QTMAN: variants seen among roughly 807,000 people sequenced by gnomAD.
QTMAN encodes the protein tRNA-queuosine alpha-mannosyltransferase.
chr2:143,981,984 G>GT, the QTMAN span, among the ~76,000 whole-genome samples: 1 of 152,050 alleles, frequency 6.6e-6, no homozygotes, highest in African/African-American at 2.4e-5. Context: ...TGTTACCCCA[G>GT]TTTTTTTGTG....
the QTMAN span, among the ~76,000 whole-genome samples, chr2:144,072,578 G>A: frequency 6.6e-6 from 1 of 152,180 alleles, no homozygotes; most frequent in Non-Finnish European, 1.5e-5. Flanking sequence ...GTCAGGCAGG[G>A]CAGCAAGAAG....
the QTMAN span, among the ~76,000 whole-genome samples, chr2:144,324,145 T>C: frequency 2.0e-5 from 3 of 152,198 alleles, no homozygotes; most frequent in East Asian, 1.9e-4. Context: ...AATCATCCAA[T>C]ACAAGTCTGT....
the QTMAN span, among the ~76,000 whole-genome samples, chr2:144,295,973 C>G: frequency 6.6e-6 from 1 of 152,046 alleles, no homozygotes; most frequent in South Asian, 2.1e-4. Flanking sequence ...ACACAATACA[C>G]AAAATAAATT....
the QTMAN span, among the ~76,000 whole-genome samples, chr2:144,013,125 ATAAAGT>A: frequency 4.6e-5 from 7 of 152,318 alleles, no homozygotes; most frequent in South Asian, 1.2e-3. Context: ...GCTAAGTTAA[ATAAAGT>A]TAAACATTTC....
chr2:144,093,090 T>C, the QTMAN span, among the ~76,000 whole-genome samples: 1 of 152,162 alleles, frequency 6.6e-6, no homozygotes, highest in South Asian at 2.1e-4. Flanking sequence ...CATTCAACAC[T>C]AGACAACATG....
the QTMAN span, among the ~76,000 whole-genome samples, chr2:143,950,118 A>C: frequency 6.6e-6 from 1 of 151,798 alleles, no homozygotes; most frequent in Non-Finnish European, 1.5e-5. Context: ...GAATTATATA[A>C]ATAAGCTCTT....
At chr2:144,004,862 C>T in the QTMAN span, among the ~76,000 whole-genome samples, 3 of 152,114 alleles carry the variant, frequency 2.0e-5, no homozygotes, top group South Asian at 6.2e-4. Flanking sequence ...TTGACTGCCT[C>T]GGAATTAGAA....
At chr2:144,061,317 T>C in the QTMAN span, among the ~76,000 whole-genome samples, 1 of 152,198 alleles carries the variant, frequency 6.6e-6, no homozygotes, top group Non-Finnish European at 1.5e-5. Flanking sequence ...TGACTGAACA[T>C]TCACTGTGGT....
At chr2:143,992,782 G>C in the QTMAN span, among the ~76,000 whole-genome samples, 7 of 152,092 alleles carry the variant, frequency 4.6e-5, no homozygotes, top group Non-Finnish European at 8.8e-5. Flanking sequence ...ACCAAAGAAA[G>C]AGGTAGATAT....
chr2:144,268,038 T>C, the QTMAN span, among the ~76,000 whole-genome samples: 3 of 152,266 alleles, frequency 2.0e-5, no homozygotes, highest in Admixed American at 6.5e-5. Flanking sequence ...ATTGGTAGTA[T>C]TGGAGGTGTT....
the QTMAN span, among the ~76,000 whole-genome samples, chr2:144,139,932 T>C: frequency 6.6e-6 from 1 of 152,082 alleles, no homozygotes; most frequent in African/African-American, 2.4e-5. Flanking sequence ...AATATTTGGA[T>C]TGGGAGAAAG....
At chr2:144,098,382 C>T in the QTMAN span, among the ~76,000 whole-genome samples, 1 of 152,166 alleles carries the variant, frequency 6.6e-6, no homozygotes. Flanking sequence ...TTCAATCTAA[C>T]CATACATTTG....
the QTMAN span, among the ~76,000 whole-genome samples, chr2:144,120,873 C>T: frequency 1.3e-5 from 2 of 152,272 alleles, no homozygotes; most frequent in East Asian, 3.9e-4. Flanking sequence ...GTTTCATCTT[C>T]GTTACATCCA....
At chr2:144,167,014 A>G in the QTMAN span, among the ~76,000 whole-genome samples, 1 of 152,064 alleles carries the variant, frequency 6.6e-6, no homozygotes, top group Non-Finnish European at 1.5e-5. Flanking sequence ...ACCATGAGTC[A>G]TTTTTTCAAG....
the QTMAN span, among the ~76,000 whole-genome samples, chr2:144,058,269 T>A: frequency 6.6e-6 from 1 of 152,180 alleles, no homozygotes; most frequent in South Asian, 2.1e-4. Context: ...CAAGGCTTGA[T>A]CCTTTTCTGC....
chr2:144,144,630 C>G, the QTMAN span, among the ~76,000 whole-genome samples: 3,736 of 152,030 alleles, frequency 0.025, 59 homozygotes, highest in Middle Eastern at 0.037. Flanking sequence ...CAGTTGCACT[C>G]TATTTTGATA....
the QTMAN span, among the ~76,000 whole-genome samples, chr2:144,011,438 A>T: frequency 1.3e-5 from 2 of 151,868 alleles, no homozygotes; most frequent in African/African-American, 4.8e-5. Flanking sequence ...AGAAATCAAA[A>T]AAACTTTATT....
chr2:144,126,638 C>A, the QTMAN span, among the ~76,000 whole-genome samples: 1 of 151,824 alleles, frequency 6.6e-6, no homozygotes, highest in Non-Finnish European at 1.5e-5. Context: ...AACTTTAAAA[C>A]AAAACAACAT....
the QTMAN span, among the ~76,000 whole-genome samples, chr2:144,138,793 TA>T: frequency 1.3e-5 from 2 of 152,010 alleles, no homozygotes; most frequent in African/African-American, 2.4e-5. Context: ...TGGAGTGTTC[TA>T]AAAAAAGGAG....
Sources: gnomAD v4.1 joint callset for allele counts (sites outside exome capture counted in the v4.1 genomes callset) on GRCh38, gnomAD v4.1.1 for gene constraint, MANE v1.5 for transcripts, NCBI Gene and HGNC (gene_info 2026-07-23, HGNC 2026-07-21) for gene names.